Variants in LAMA3 observed in about 807,000 individuals in gnomAD.
LAMA3 encodes the protein laminin subunit alpha 3, also known as laminin subunit alpha-3.
In LAMA3, 281 loss-of-function variants were observed where a neutral mutation model predicts 402.0. The ratio of observed to expected loss-of-function variants is 0.70; its 90% CI spans 0.63 to 0.77. The LOEUF (loss-of-function observed/expected upper bound fraction) is 0.77, where lower values mean the gene tolerates loss of function less well. LAMA3 is among the 30% of genes least tolerant of loss of function. The pLI is 0.00. For missense variants in LAMA3, 3,840 were observed against 4,215.5 expected (o/e 0.91, Z 2.47); for synonymous variants, 1,431 against 1,558.4 (o/e 0.92, Z 1.93).
At chr18:23,818,567 T>C (rs530600862) in intron 18 of LAMA3, among the ~76,000 whole-genome samples, 43 of 152,350 alleles carry the variant, frequency 2.8e-4, no homozygotes, top group African/African-American at 1.0e-3. Context: ...CTGACAAGTG[T>C]AGAAAGAATT....
intron 12 of LAMA3, among the ~76,000 whole-genome samples, chr18:23,790,862 A>G (rs1017156377): frequency 6.6e-6 from 1 of 151,820 alleles, no homozygotes; most frequent in Non-Finnish European, 1.5e-5. Flanking sequence ...AACATGAAGA[A>G]CTAGTTTGAG....
chr18:23,733,006 C>G (rs1485501748), intron 2 of LAMA3, among the ~76,000 whole-genome samples: 1 of 151,902 alleles, frequency 6.6e-6, no homozygotes, highest in East Asian at 1.9e-4. Context: ...AATCACCTGC[C>G]CACTTATCCT....
intron 12 of LAMA3, among the ~76,000 whole-genome samples, chr18:23,787,701 C>G (rs1299325108): frequency 1.3e-5 from 2 of 152,244 alleles, no homozygotes; most frequent in Admixed American, 1.3e-4. Flanking sequence ...GAAAAACTGT[C>G]AACCAAGAAT....
chr18:23,917,569 G>A (rs1749018739), intron 60 of LAMA3, among the ~76,000 whole-genome samples: 1 of 152,046 alleles, frequency 6.6e-6, no homozygotes. Flanking sequence ...TTTTTGACCA[G>A]TATGAGATGG....
At chr18:23,716,982 G>A (rs552675615) in intron 2 of LAMA3, among the ~76,000 whole-genome samples, 1 of 152,242 alleles carries the variant, frequency 6.6e-6, no homozygotes, top group South Asian at 2.1e-4. Context: ...ATAAAATAAA[G>A]TGAACTTTAA....
intron 52 of LAMA3, among the ~76,000 whole-genome samples, chr18:23,906,878 A>G (rs1377497113): frequency 6.6e-6 from 1 of 152,238 alleles, no homozygotes; most frequent in African/African-American, 2.4e-5. Context: ...AATTGAAGCC[A>G]TGAATCATCA....
chr18:23,735,155 ATTGCAT>A lies in LAMA3; in HGVS notation c.448-12785_448-12780del, dbSNP rs1568126540. On this transcript the variant is annotated intron_variant, in intron 2 of 74. Transcript: ENST00000313654. The stretch of plus-strand genomic sequence containing the variant: ...CCTTGGGTACATGTGCCCACTGGCA[ATTGCAT>A]TTATGAGGCTCTCCCCGTTGTGCCA... 3.9e-5 allele frequency among the ~76,000 whole-genome samples: 6 copies of A among 152,292 alleles called. No homozygotes were observed. In the South Asian group the frequency reaches 1.0e-3, roughly 26 times the overall value.
intron 67 of LAMA3, 135 bp from the exon 68 acceptor site, chr18:23,939,088 C>A: frequency 1.1e-6 from 1 of 921,252 alleles, no homozygotes. Context: ...CTTCCCATCT[C>A]CATGGTACCA....
chr18:23,766,031 G>C (rs2062068960), intron 8 of LAMA3, among the ~76,000 whole-genome samples: 1 of 151,778 alleles, frequency 6.6e-6, no homozygotes, highest in Non-Finnish European at 1.5e-5. Context: ...AAGAGACAAT[G>C]AATCAGAAAA....
chr18:23,822,117 G>A (rs1220086788), intron 19 of LAMA3, 135 bp from the exon 20 acceptor site: 4 of 883,534 alleles, frequency 4.5e-6, no homozygotes, highest in South Asian at 2.8e-5. Flanking sequence ...TTGACTGAGT[G>A]TGAGTGTGTA....
chr18:23,871,634 C>G lies in LAMA3; in HGVS notation c.4971C>G (p.Pro1657=). 6.2e-7 allele frequency: 1 copy of G among 1,611,328 alleles called. No individual in the cohort carries two copies. Among genetic ancestry groups the G allele is most frequent in the Non-Finnish European group, 8.5e-7 (1 of 1,178,700 alleles). ...IALAVEICAC[P]PAYAGDSCQG... is the part of the protein sequence containing the mutation. ...TTGCTGTGGAAATCTGTGCCTGCCC[C>G]CCTGCCTACGCTGGTGACTCTTGTC... Residue 1657 remains proline, a synonymous_variant, in exon 38 of 75, where the codon CCC becomes CCG. Transcript: ENST00000313654.
chr18:23,934,931 C>T (rs1317699786), intron 67 of LAMA3, among the ~76,000 whole-genome samples: 1 of 152,220 alleles, frequency 6.6e-6, no homozygotes, highest in Admixed American at 6.5e-5. Context: ...TAATAAAATA[C>T]ATGTTTTATG....
At chr18:23,854,934 G>A (rs2064035554) in intron 32 of LAMA3, among the ~76,000 whole-genome samples, 1 of 151,994 alleles carries the variant, frequency 6.6e-6, no homozygotes. Context: ...GCAGTGAGCC[G>A]AGATCGCGCC....
chr18:23,865,601 C>T (rs2064336749), intron 36 of LAMA3, among the ~76,000 whole-genome samples: 1 of 152,160 alleles, frequency 6.6e-6, no homozygotes, highest in South Asian at 2.1e-4. Context: ...CTCCAACCCA[C>T]TGAATGGTAA....
intron 38 of LAMA3, among the ~76,000 whole-genome samples, chr18:23,875,819 C>G (rs2064690425): frequency 6.6e-6 from 1 of 152,110 alleles, no homozygotes; most frequent in Non-Finnish European, 1.5e-5. Flanking sequence ...TCCACCTGCC[C>G]TCAAAACAGT....
At chr18:23,944,455 A>G (rs148159386) in intron 69 of LAMA3, among the ~76,000 whole-genome samples, 96 of 152,346 alleles carry the variant, frequency 6.3e-4, no homozygotes, top group African/African-American at 2.2e-3. Context: ...TGACTTGACA[A>G]GTTGCATTCC....
intron 38 of LAMA3, among the ~76,000 whole-genome samples, chr18:23,875,168 A>G (rs2064666894): frequency 6.6e-6 from 1 of 152,174 alleles, no homozygotes; most frequent in African/African-American, 2.4e-5. Context: ...ACCAGCCAAT[A>G]TGTGATTTGA....
chr18:23,892,891 G>A (rs9966594), intron 42 of LAMA3, among the ~76,000 whole-genome samples: 15 of 110,652 alleles, frequency 1.4e-4, no homozygotes, highest in Admixed American at 5.5e-4. Context: ...TGACAAGAGC[G>A]AAACTCTGTC....
Position 23,846,280 on chromosome 18 carries a change from T to C in LAMA3, c.3720-17T>C. 1 of 1,613,746 alleles carries C rather than the reference T, an allele frequency of 6.2e-7. No homozygotes were observed. Among genetic ancestry groups the C allele is most frequent in the East Asian group, 2.2e-5 (1 of 44,868 alleles). On this transcript the variant is annotated splice_polypyrimidine_tract_variant and intron_variant, in intron 30 of 74. Coordinates refer to ENST00000313654, the MANE Select transcript of LAMA3 (RefSeq NM_198129.4). ...CACCTCCCCAGGCATCACCATGAGT[T>C]GTTTCTGTCTCCACAGCCCCCAGAC...
Sources: allele counts gnomAD v4.1 joint callset (sites outside exome capture counted in the v4.1 genomes callset), GRCh38; gene constraint gnomAD v4.1.1; transcripts MANE v1.5; gene names NCBI Gene and HGNC (gene_info 2026-07-23, HGNC 2026-07-21).